Variants in EPC2 observed in about 807,000 individuals in gnomAD.
The protein encoded by EPC2 is enhancer of polycomb homolog 2.
EPC2 carries 14 observed loss-of-function variants against 92.1 expected under a neutral mutation model. The observed-to-expected ratio is 0.15, with a 90% CI of 0.10 to 0.24. EPC2 has a LOEUF of 0.24. Among genes scored for constraint, EPC2 ranks in the 10% least tolerant of loss-of-function variants. The probability of loss-of-function intolerance (pLI) is 1.00; values close to 1 mark genes in which losing one functional copy is unlikely to be tolerated. For synonymous variants in EPC2, 340 were observed against 334.7 expected (o/e 1.02, Z -0.17); for missense variants, 755 against 971.5 (o/e 0.78, Z 2.96).
chr2:148,762,548 A>G, intron 5 of EPC2, 122 bp from the exon 6 acceptor site: 1 of 700,374 alleles, frequency 1.4e-6, no homozygotes, highest in African/African-American at 1.8e-5. Context: ...TATCTTTTAA[A>G]AGTAATTTGA....
chr2:148,681,890 G>GC (rs1013704849), intron 1 of EPC2, among the ~76,000 whole-genome samples: 38 of 151,914 alleles, frequency 2.5e-4, no homozygotes, highest in African/African-American at 8.9e-4. Flanking sequence ...CCGACAACAG[G>GC]CCCCCGGGGT....
intron 1 of EPC2, 44 bp downstream of exon 1, chr2:148,645,214 CT>C (rs1559136190): frequency 1.3e-6 from 2 of 1,490,748 alleles, no homozygotes; most frequent in Admixed American, 2.0e-5. Flanking sequence ...CTCCTCCCCC[CT>C]CCCCTTTGTC....
intron 1 of EPC2, among the ~76,000 whole-genome samples, chr2:148,658,963 G>T (rs1174359061): frequency 1.3e-5 from 2 of 151,950 alleles, no homozygotes; most frequent in East Asian, 1.9e-4. Flanking sequence ...ATATCCTCAA[G>T]TTTGTATTTG....
intron 1 of EPC2, among the ~76,000 whole-genome samples, chr2:148,667,888 TTTGTTGTTG>T (rs373872625): frequency 4.6e-5 from 7 of 151,938 alleles, no homozygotes; most frequent in African/African-American, 1.5e-4. Context: ...TCATACAGTT[TTTGTTGTTG>T]TTGTTGTTGT....
At chr2:148,650,557 C>T (rs1321669539) in intron 1 of EPC2, among the ~76,000 whole-genome samples, 2 of 152,018 alleles carry the variant, frequency 1.3e-5, no homozygotes, top group Non-Finnish European at 2.9e-5. Context: ...TCATGTGATT[C>T]ACCTTATTTT....
chr2:148,782,491 C>G (rs559213922), intron 11 of EPC2, among the ~76,000 whole-genome samples: 72 of 151,144 alleles, frequency 4.8e-4, no homozygotes, highest in African/African-American at 1.7e-3. Flanking sequence ...GAGCTAAGAT[C>G]GCACCACTGC....
At chr2:148,777,166 A>G (rs1454262684) in intron 10 of EPC2, among the ~76,000 whole-genome samples, 1 of 151,790 alleles carries the variant, frequency 6.6e-6, no homozygotes, top group Non-Finnish European at 1.5e-5. Context: ...AGCCAAAGAC[A>G]CTGTCTCTTA....
chr2:148,687,097 T>C (rs542150632), intron 1 of EPC2, among the ~76,000 whole-genome samples: 15 of 152,350 alleles, frequency 9.8e-5, no homozygotes, highest in Non-Finnish European at 2.1e-4. Flanking sequence ...CTTAACTAGA[T>C]CTTCTAGATG....
intron 7 of EPC2, among the ~76,000 whole-genome samples, chr2:148,765,843 C>T (rs1683398305): frequency 6.6e-6 from 1 of 152,038 alleles, no homozygotes; most frequent in Admixed American, 6.6e-5. Context: ...CTAGACCATC[C>T]TGGCTAACAC....
chr2:148,734,168 G>A (rs1682704437), intron 2 of EPC2, among the ~76,000 whole-genome samples: 1 of 151,950 alleles, frequency 6.6e-6, no homozygotes, highest in African/African-American at 2.4e-5. Context: ...TGTAACCATG[G>A]TTGGATACAT....
intron 10 of EPC2, among the ~76,000 whole-genome samples, chr2:148,775,678 T>TAATTTAATTAAATAAAATTA (rs1553451017): frequency 1.3e-4 from 19 of 147,616 alleles, no homozygotes; most frequent in Non-Finnish European, 2.2e-4. Context: ...AAATTAAATT[T>TAATTTAATTAAATAAAATTA]AATTTAATTA....
rs910407565 is a variant in EPC2 at position 148,678,399 on chromosome 2, C to T, written c.154-11815C>T. 5.3e-5 allele frequency among the ~76,000 whole-genome samples: 8 copies of T among 152,258 alleles called. No homozygotes were observed. The East Asian group carries it at 5.8e-4, about 11-fold the overall frequency. Reference sequence around the variant, plus strand: ...GCCGGCTAGTCCCACACATTGCACCCGCATTCCTCAGCCCTTGGGTGGTTG... The same window carrying T: ...GCCGGCTAGTCCCACACATTGCACCTGCATTCCTCAGCCCTTGGGTGGTTG... On this transcript the variant is annotated intron_variant, in intron 1 of 13. Transcript: ENST00000258484.
intron 2 of EPC2, among the ~76,000 whole-genome samples, chr2:148,740,038 G>C (rs1682851351): frequency 6.6e-6 from 1 of 150,954 alleles, no homozygotes; most frequent in African/African-American, 2.4e-5. Context: ...TGTTTTGTTT[G>C]GTTGACTGAC....
At chr2:148,657,688 GATCTACCAACCAAA>G (rs1680833748) in intron 1 of EPC2, among the ~76,000 whole-genome samples, 2 of 151,932 alleles carry the variant, frequency 1.3e-5, no homozygotes, top group South Asian at 4.1e-4. Context: ...CTTTATCCTA[GATCTACCAACCAAA>G]TCACAAGTTA....
rs112343745 is a variant in EPC2, at chr2:148,770,017, CTTGT to C, written c.1231-768_1231-765del. ...AAGGGAATGGGAAGGCAGGGAACAG[CTTGT>C]TTGTTTCTTTATATTTATTTATTTA... is the stretch of plus-strand genomic sequence containing the variant. On this transcript the variant is annotated intron_variant, in intron 8 of 13. Transcript: ENST00000258484. Among the ~76,000 whole-genome samples, 112 of 152,076 alleles carry C rather than the reference CTTGT, an allele frequency of 7.4e-4. 1 individual carries two copies. The highest frequency in any genetic ancestry group is 2.5e-3 in the African/African-American group (102 of 41,504).
intron 1 of EPC2, among the ~76,000 whole-genome samples, chr2:148,663,529 A>G (rs541928499): frequency 1.8e-4 from 26 of 145,024 alleles, no homozygotes; most frequent in Non-Finnish European, 3.8e-4. Flanking sequence ...AGTTTTTTGT[A>G]TTATTTAATG....
At chr2:148,706,463 C>G (rs1256820016) in intron 2 of EPC2, among the ~76,000 whole-genome samples, 9 of 152,114 alleles carry the variant, frequency 5.9e-5, no homozygotes, top group Admixed American at 5.9e-4. Flanking sequence ...CCTAGCAAGG[C>G]AGGCCAACAT....
chr2:148,680,947 A>G (rs1007685889), intron 1 of EPC2, among the ~76,000 whole-genome samples: 1 of 152,218 alleles, frequency 6.6e-6, no homozygotes, highest in Non-Finnish European at 1.5e-5. Context: ...TGGGAGAGGT[A>G]TGGTGCTAGA....
chr2:148,691,580 G>T, intron 2 of EPC2: 2 of 1,550,532 alleles, frequency 1.3e-6, no homozygotes, highest in Non-Finnish European at 1.7e-6. Flanking sequence ...CAGGATTGAA[G>T]TCTTGTTCTT....
Sources: gnomAD v4.1 joint callset for allele counts (sites outside exome capture counted in the v4.1 genomes callset) on GRCh38, gnomAD v4.1.1 for gene constraint, MANE v1.5 for transcripts, NCBI Gene and HGNC (gene_info 2026-07-23, HGNC 2026-07-21) for gene names.